Variants in CSMD1 observed in about 807,000 individuals in gnomAD.
CSMD1 encodes the protein CUB and sushi domain-containing protein 1.
In CSMD1, 213 loss-of-function variants were observed where a neutral mutation model predicts 417.5. The observed-to-expected ratio is 0.51, with a 90% confidence interval of 0.46 to 0.57. The LOEUF (loss-of-function observed/expected upper bound fraction) is 0.57. Ranked by LOEUF, CSMD1 falls within the 20% of genes least tolerant of loss-of-function variation. CSMD1 has a pLI of 0.00. For missense variants in CSMD1, 6,923 were observed against 4,529.7 expected (o/e 1.53, Z -15.17); for synonymous variants, 2,862 against 1,736.8 (o/e 1.65, Z -16.11).
chr8:3,422,318 T>C (rs1813546547), intron 12 of CSMD1, among the ~76,000 whole-genome samples: 1 of 152,104 alleles, frequency 6.6e-6, no homozygotes. Flanking sequence ...TTGGGGTTTG[T>C]TGAGGGAGTT....
intron 5 of CSMD1, among the ~76,000 whole-genome samples, chr8:3,851,485 G>C (rs1803900922): frequency 6.6e-6 from 1 of 152,104 alleles, no homozygotes; most frequent in African/African-American, 2.4e-5. Context: ...CAAAAAGAAA[G>C]ACCTAGTGTC....
chr8:3,794,447 G>GT (rs1217859518), intron 5 of CSMD1, among the ~76,000 whole-genome samples: 1 of 151,996 alleles, frequency 6.6e-6, no homozygotes, highest in Admixed American at 6.6e-5. Flanking sequence ...CATAGAATCA[G>GT]TACTTATAAA....
chr8:3,895,185 T>C (rs1168244152), intron 5 of CSMD1, among the ~76,000 whole-genome samples: 1 of 152,218 alleles, frequency 6.6e-6, no homozygotes, highest in African/African-American at 2.4e-5. Flanking sequence ...CAACAAAGTT[T>C]CCTGTTACTA....
intron 1 of CSMD1, among the ~76,000 whole-genome samples, chr8:4,702,284 G>C (rs973820448): frequency 3.9e-5 from 6 of 152,128 alleles, no homozygotes; most frequent in Admixed American, 2.0e-4. Context: ...AAATCAACAG[G>C]TTGCCTTGCT....
At chr8:3,307,013 C>T (rs1404102481) in intron 25 of CSMD1, among the ~76,000 whole-genome samples, 1 of 136,994 alleles carries the variant, frequency 7.3e-6, no homozygotes, top group African/African-American at 2.6e-5. Flanking sequence ...TCTTGGTCTA[C>T]CTCAAAGTTA....
rs777021038 is a variant in CSMD1, at chr8:3,097,001, G to A, written c.6986C>T (p.Ser2329Leu). Residue 2329 changes from serine to leucine, a missense_variant, in exon 47 of 70, where the codon TCG becomes TTG. Transcript: ENST00000635120. Reference protein sequence around the residue: ...CPANEVRTGSSGVILSPGYPG... With the variant: ...CPANEVRTGSLGVILSPGYPG... Reference sequence around the variant, plus strand: ...ATACCCTGGACTGAGAATGACTCCCGATGATCCAGTCCGGACTTCATTTGC... The same window carrying A: ...ATACCCTGGACTGAGAATGACTCCCAATGATCCAGTCCGGACTTCATTTGC... 5.8e-6 allele frequency: 9 copies of A among 1,555,326 alleles called. No individual in the cohort carries two copies. Among genetic ancestry groups the A allele is most frequent in the African/African-American group, 2.7e-5 (2 of 73,324 alleles).
chr8:4,038,571 T>C (rs1797733378), intron 3 of CSMD1, among the ~76,000 whole-genome samples: 1 of 152,244 alleles, frequency 6.6e-6, no homozygotes, highest in South Asian at 2.1e-4. Flanking sequence ...TGCATGTCTC[T>C]TTGTGACTCC....
chr8:4,839,527 A>T (rs1263525884), intron 1 of CSMD1, among the ~76,000 whole-genome samples: 2 of 152,170 alleles, frequency 1.3e-5, no homozygotes, highest in Non-Finnish European at 2.9e-5. Context: ...CTCTGGGAGC[A>T]ATTTCTTTTT....
chr8:4,284,117 T>A (rs111826146), intron 3 of CSMD1, among the ~76,000 whole-genome samples: 17,263 of 152,070 alleles, frequency 0.11, 1,284 homozygotes, highest in Non-Finnish European at 0.16. Context: ...CCTGTAATCC[T>A]AGCATTTTGG....
chr8:4,562,842 A>C (rs1276664665), intron 2 of CSMD1, among the ~76,000 whole-genome samples: 1 of 152,208 alleles, frequency 6.6e-6, no homozygotes, highest in Non-Finnish European at 1.5e-5. Context: ...ATCAGGAAGA[A>C]TTCAAATGCC....
chr8:4,183,647 T>C (rs1173692139), intron 3 of CSMD1, among the ~76,000 whole-genome samples: 1 of 152,228 alleles, frequency 6.6e-6, no homozygotes, highest in East Asian at 1.9e-4. Flanking sequence ...CAATTTTAAG[T>C]TTCCTTACAA....
At chr8:3,827,213 A>T (rs1447535667) in intron 5 of CSMD1, among the ~76,000 whole-genome samples, 1 of 152,178 alleles carries the variant, frequency 6.6e-6, no homozygotes, top group Admixed American at 6.5e-5. Flanking sequence ...GTAGGGACAA[A>T]CTTGTCTTTC....
At chr8:4,027,712 G>A (rs1036914102) in intron 4 of CSMD1, among the ~76,000 whole-genome samples, 2 of 152,104 alleles carry the variant, frequency 1.3e-5, no homozygotes, top group African/African-American at 4.8e-5. Context: ...TTTAGACATG[G>A]GGGCCCATTG....
At chr8:4,243,663 T>A (rs1802533870) in intron 3 of CSMD1, among the ~76,000 whole-genome samples, 1 of 152,190 alleles carries the variant, frequency 6.6e-6, no homozygotes, top group African/African-American at 2.4e-5. Flanking sequence ...ACATGTGTGA[T>A]ATTGCAACTT....
chr8:3,874,497 T>C (rs545303576), intron 5 of CSMD1, among the ~76,000 whole-genome samples: 6 of 152,322 alleles, frequency 3.9e-5, no homozygotes, highest in African/African-American at 1.2e-4. Context: ...TTTTATGACG[T>C]TGCATTGAAA....
intron 52 of CSMD1, among the ~76,000 whole-genome samples, chr8:3,008,137 A>G (rs971154275): frequency 1.3e-5 from 2 of 152,216 alleles, no homozygotes; most frequent in African/African-American, 4.8e-5. Context: ...GTCCATTTTC[A>G]TAGCAAAGAA....
rs566904997 is a variant in CSMD1, at chr8:4,353,614, A to G, written c.415+66339T>C. Among the ~76,000 whole-genome samples, 3 of 152,222 alleles carry G rather than the reference A, an allele frequency of 2.0e-5. No individual in the cohort carries two copies. The East Asian group carries it at 5.8e-4, about 29-fold the overall frequency. On this transcript the variant is annotated intron_variant, in intron 3 of 69. Coordinates refer to ENST00000635120, the MANE Select transcript of CSMD1 (RefSeq NM_033225.6). The stretch of plus-strand genomic sequence containing the variant: ...TGAAGCACATGCATAAGGCAACTAA[A>G]GAGCAGAGTCACGCCCAACGGGACA...
At chr8:2,979,769 G>A (rs1388181263) in intron 54 of CSMD1, among the ~76,000 whole-genome samples, 1 of 152,206 alleles carries the variant, frequency 6.6e-6, no homozygotes, top group African/African-American at 2.4e-5. Flanking sequence ...AATGTTCTAT[G>A]CTTCCTAAAA....
At chr8:4,336,540 G>T (rs559564592) in intron 3 of CSMD1, among the ~76,000 whole-genome samples, 1 of 152,132 alleles carries the variant, frequency 6.6e-6, no homozygotes, top group Non-Finnish European at 1.5e-5. Flanking sequence ...TGAATGTCAT[G>T]CTGCTTGTTT....
Sources: gnomAD v4.1 joint callset for allele counts (sites outside exome capture counted in the v4.1 genomes callset) on GRCh38, gnomAD v4.1.1 for gene constraint, MANE v1.5 for transcripts, NCBI Gene and HGNC (gene_info 2026-07-23, HGNC 2026-07-21) for gene names.